The following CNTLN variants were observed in gnomAD, a reference collection of about 807,000 sequenced individuals.
CNTLN encodes centlein, centrosomal protein.
A neutral mutation model predicts 180.0 loss-of-function variants in CNTLN; 212 were observed. The observed-to-expected ratio is 1.18, with a 90% CI of 1.05 to 1.32. The LOEUF is 1.32. Among genes scored for constraint, CNTLN ranks in the 40% most tolerant of loss-of-function variants. The pLI, the probability that CNTLN is intolerant of heterozygous loss-of-function variation, is 0.00. For missense variants in CNTLN, 2,095 were observed against 1,610.9 expected (o/e 1.30, Z -5.14); for synonymous variants, 722 against 563.1 (o/e 1.28, Z -3.99).
intron 2 of CNTLN, among the ~76,000 whole-genome samples, chr9:17,155,773 A>G (rs1012156479): frequency 2.0e-5 from 3 of 151,764 alleles, no homozygotes; most frequent in Non-Finnish European, 2.9e-5. Context: ...TCTGGGCGCC[A>G]GTAGGGTATG....
chr9:17,360,386 T>C (rs548811070), intron 12 of CNTLN, among the ~76,000 whole-genome samples: 92 of 152,154 alleles, frequency 6.0e-4, no homozygotes, highest in African/African-American at 2.1e-3. Context: ...GGTCAGTGGA[T>C]TGGAAAATTA....
chr9:17,240,350 T>G (rs1307690078), intron 5 of CNTLN, among the ~76,000 whole-genome samples: 1 of 152,160 alleles, frequency 6.6e-6, no homozygotes, highest in African/African-American at 2.4e-5. Context: ...TGATTTTTTT[T>G]TTCTTAGTAA....
intron 13 of CNTLN, among the ~76,000 whole-genome samples, chr9:17,374,493 G>T (rs76435774): frequency 0.018 from 2,733 of 152,220 alleles, 80 homozygotes; most frequent in African/African-American, 0.063. Context: ...GGGTAAAAGG[G>T]AACTCTCATA....
At chr9:17,137,520 C>A (rs1817801541) in intron 1 of CNTLN, among the ~76,000 whole-genome samples, 1 of 152,132 alleles carries the variant, frequency 6.6e-6, no homozygotes, top group African/African-American at 2.4e-5. Context: ...AGTAAGTACA[C>A]ACATATACAA....
At chr9:17,166,795 C>G (rs770577638) in intron 2 of CNTLN, 2 of 359,572 alleles carry the variant, frequency 5.6e-6, no homozygotes, top group South Asian at 4.5e-5. Context: ...CATGGTCTCA[C>G]ATCTCCCATT....
At chr9:17,376,320 A>G (rs1824753295) in intron 13 of CNTLN, among the ~76,000 whole-genome samples, 1 of 152,276 alleles carries the variant, frequency 6.6e-6, no homozygotes, top group East Asian at 1.9e-4. Flanking sequence ...AATTATACAT[A>G]CTTACATTCG....
rs538263992 is a variant in CNTLN, at chr9:17,479,822, G to A, written c.3856-4473G>A. Among the ~76,000 whole-genome samples the A allele has an allele frequency of 3.3e-5, 5 of 152,086 alleles. No individual in the cohort carries two copies. In the South Asian group the frequency reaches 1.0e-3, roughly 32 times the overall value. ...TAACTATAATATAAATAATAGAGCT[G>A]AAATGTATCTTTTGAACAAAGAGGA... On this transcript the variant is annotated intron_variant, in intron 23 of 25. Coordinates refer to ENST00000380647, the MANE Select transcript of CNTLN (RefSeq NM_017738.4).
At chr9:17,247,045 G>C (rs1258737446) in intron 5 of CNTLN, among the ~76,000 whole-genome samples, 1 of 152,122 alleles carries the variant, frequency 6.6e-6, no homozygotes, top group African/African-American at 2.4e-5. Context: ...CTCTCCTTTA[G>C]CAGAAGGTAC....
At chr9:17,481,511 A>G (rs985145596) in intron 23 of CNTLN, among the ~76,000 whole-genome samples, 33 of 152,170 alleles carry the variant, frequency 2.2e-4, no homozygotes, top group African/African-American at 7.5e-4. Context: ...AGTCCTGTCC[A>G]GAGAGAGAAC....
intron 7 of CNTLN, chr9:17,299,630 C>T (rs1357725413): frequency 1.0e-6 from 1 of 985,242 alleles, no homozygotes; most frequent in African/African-American, 1.7e-5. Flanking sequence ...ATACAGTCTT[C>T]CACTTCAGCT....
chr9:17,305,641 T>G (rs1394920061), intron 7 of CNTLN, among the ~76,000 whole-genome samples: 1 of 152,124 alleles, frequency 6.6e-6, no homozygotes, highest in Non-Finnish European at 1.5e-5. Context: ...AATTAAACAT[T>G]TGATTACCCT....
chr9:17,410,616 A>G (rs989280116), intron 16 of CNTLN, among the ~76,000 whole-genome samples: 1 of 152,164 alleles, frequency 6.6e-6, no homozygotes, highest in Non-Finnish European at 1.5e-5. Flanking sequence ...GCTTACTGCA[A>G]TGTAGATATA....
rs1818157238 is a variant in CNTLN, at chr9:17,299,057, C to A, written c.1146+705C>A. 2.2e-5 allele frequency: 9 copies of A among 407,702 alleles called. No homozygotes were observed. In the South Asian group the frequency reaches 8.2e-4, roughly 37 times the overall value. The allele number at this position is 407,702 out of a possible 1,614,324, so 25.3% of individuals were successfully genotyped here. A position where few individuals can be genotyped will look rare whatever the true frequency, so the allele number is the denominator to read the frequency against. On this transcript the variant is annotated intron_variant, in intron 7 of 25. Transcript: ENST00000380647. The stretch of plus-strand genomic sequence containing the variant: ...AAGAGATCGAGACCATCCTGGCCAA[C>A]ATGATGAAACCCTGTTTCTACTAAA...
rs1401517355 is a variant in CNTLN, at chr9:17,332,849, TA to T, written c.1644+123del. ...TCTTTCCTGAATTTAATTGCCTGTATAAAAGTGTATAATCAGTTCATCTTGT... is the reference window on the plus strand; with the variant it reads ...TCTTTCCTGAATTTAATTGCCTGTATAAAGTGTATAATCAGTTCATCTTGT... On this transcript the variant is annotated intron_variant, in intron 10 of 25. Transcript: ENST00000380647. 8.5e-6 allele frequency: 5 copies of T among 586,906 alleles called. No homozygotes were observed. The African/African-American group carries it at 9.8e-5, about 11-fold the overall frequency. The allele number at this position is 586,906 out of a possible 1,614,324, so 36.4% of individuals were successfully genotyped here.
chr9:17,273,724 T>A lies in CNTLN; in HGVS notation c.850-9T>A. Reference sequence around the variant, plus strand: ...TGTTTGATTATTGATATAAGCACTCTAATTTTAGACCTTTGAAGACAATTT... The same window carrying A: ...TGTTTGATTATTGATATAAGCACTCAAATTTTAGACCTTTGAAGACAATTT... On this transcript the variant is annotated splice_polypyrimidine_tract_variant and intron_variant, in intron 5 of 25. Transcript: ENST00000380647. 2 of 1,454,136 alleles carry A rather than the reference T, an allele frequency of 1.4e-6. No homozygotes were observed. The highest frequency in any genetic ancestry group is 1.8e-6 in the Non-Finnish European group (2 of 1,081,408). 90.1% of individuals were successfully genotyped at this position (1,454,136 alleles called of 1,614,324 possible). A position where few individuals can be genotyped will look rare whatever the true frequency, so the allele number is the denominator to read the frequency against.
intron 7 of CNTLN, chr9:17,301,297 T>C (rs1450951242): frequency 1.0e-6 from 1 of 985,306 alleles, no homozygotes; most frequent in Non-Finnish European, 1.2e-6. Flanking sequence ...TTTGAAACCG[T>C]AAACACTTTT....
At chr9:17,298,845 T>A (rs1450585903) in intron 7 of CNTLN, 1 of 985,542 alleles carries the variant, frequency 1.0e-6, no homozygotes, top group Non-Finnish European at 1.2e-6. Context: ...TGTTCAGTAG[T>A]CTTTTACTTT....
At chr9:17,452,005 T>C (rs530596765) in intron 18 of CNTLN, among the ~76,000 whole-genome samples, 2 of 152,324 alleles carry the variant, frequency 1.3e-5, no homozygotes, top group East Asian at 3.9e-4. Context: ...GCACTGCTTG[T>C]AAACTAGTTG....
intron 8 of CNTLN, among the ~76,000 whole-genome samples, chr9:17,316,209 A>T (rs1819530984): frequency 6.6e-6 from 1 of 151,500 alleles, no homozygotes; most frequent in South Asian, 2.1e-4. Context: ...TTTAGTGGCA[A>T]TTTTTGTCTT....
Sources: gnomAD v4.1 joint callset for allele counts (sites outside exome capture counted in the v4.1 genomes callset) on GRCh38, gnomAD v4.1.1 for gene constraint, MANE v1.5 for transcripts, NCBI Gene and HGNC (gene_info 2026-07-23, HGNC 2026-07-21) for gene names.